MAOB: variants seen among roughly 807,000 people sequenced by gnomAD.
MAOB encodes the protein monoamine oxidase B.
A neutral mutation model predicts 41.9 loss-of-function variants in MAOB; 15 were observed. The ratio of observed to expected loss-of-function variants is 0.36; its 90% CI spans 0.24 to 0.55. The LOEUF is 0.55. Ranked by LOEUF, MAOB falls within the 20% of genes least tolerant of loss-of-function variation. The pLI is 0.86. For synonymous variants in MAOB, 167 were observed against 144.2 expected, an observed-to-expected ratio of 1.16 and a Z score of -1.13; for missense variants, 345 against 398.7, an observed-to-expected ratio of 0.87 and a Z score of 1.15.
intron 5 of MAOB, among the ~76,000 whole-genome samples, chrX:43,797,713 C>A (rs746677095): frequency 2.7e-5 from 3 of 112,087 alleles, no homozygotes; most frequent in Non-Finnish European, 5.6e-5. Flanking sequence ...AATTTAGAAT[C>A]CATCTCTTTC....
intron 3 of MAOB, among the ~76,000 whole-genome samples, chrX:43,830,889 A>G (rs1001877048): frequency 7.4e-4 from 83 of 111,817 alleles, no homozygotes; most frequent in African/African-American, 2.6e-3. Context: ...TTTAAACCTC[A>G]GAATACTAAG....
intron 3 of MAOB, among the ~76,000 whole-genome samples, chrX:43,828,175 C>T (rs886685336): frequency 8.9e-6 from 1 of 112,026 alleles, no homozygotes; most frequent in Non-Finnish European, 1.9e-5. Context: ...CACCCTTAAA[C>T]ATGTAATTTT....
At chrX:43,879,865 C>A (rs941328380) in intron 1 of MAOB, among the ~76,000 whole-genome samples, 3 of 112,283 alleles carry the variant, frequency 2.7e-5, no homozygotes, top group African/African-American at 9.7e-5. Context: ...TACACGTTAG[C>A]ATGTTCTTTC....
intron 3 of MAOB, among the ~76,000 whole-genome samples, chrX:43,818,020 A>G (rs1191950408): frequency 8.9e-6 from 1 of 112,363 alleles, no homozygotes; most frequent in Non-Finnish European, 1.9e-5. Context: ...TCTTTGAAGA[A>G]TAAATAAATA....
intron 3 of MAOB, among the ~76,000 whole-genome samples, chrX:43,823,908 AAAATTCTGTTCAG>A (rs1397983479): frequency 5.3e-5 from 6 of 112,311 alleles, no homozygotes; most frequent in African/African-American, 1.9e-4. Flanking sequence ...CTTCAATTTT[AAAATTCTGTTCAG>A]AGATATTGTC....
At chrX:43,791,712 G>A (rs954651361) in intron 8 of MAOB, among the ~76,000 whole-genome samples, 3 of 109,788 alleles carry the variant, frequency 2.7e-5, no homozygotes, top group Non-Finnish European at 5.7e-5. Flanking sequence ...AGCCAAGATC[G>A]CACCACTGCA....
At chrX:43,805,572 C>T (rs1292734607) in intron 3 of MAOB, among the ~76,000 whole-genome samples, 1 of 111,655 alleles carries the variant, frequency 9.0e-6, no homozygotes, top group Admixed American at 9.6e-5. Flanking sequence ...TTGTATCTGG[C>T]GTCTTTTGCT....
At chrX:43,867,778 C>A (rs1311147796) in intron 1 of MAOB, among the ~76,000 whole-genome samples, 1 of 112,369 alleles carries the variant, frequency 8.9e-6, no homozygotes, top group Non-Finnish European at 1.9e-5. Flanking sequence ...TTGTTCTTCA[C>A]ATACAGCTAT....
intron 1 of MAOB, 176 bp from the exon 2 acceptor site, chrX:43,843,940 A>G (rs2035171250): frequency 1.0e-6 from 1 of 980,902 alleles, no homozygotes; most frequent in Admixed American, 5.0e-5. Context: ...TGTTTCTGGA[A>G]ACGACAAAAG....
intron 1 of MAOB, among the ~76,000 whole-genome samples, chrX:43,858,856 C>T (rs1415774854): frequency 9.0e-6 from 1 of 111,622 alleles, no homozygotes; most frequent in Non-Finnish European, 1.9e-5. Context: ...CATGTCTGGC[C>T]AAAACGCAGC....
At chrX:43,856,971 T>C (rs2035293709) in intron 1 of MAOB, among the ~76,000 whole-genome samples, 1 of 101,403 alleles carries the variant, frequency 9.9e-6, no homozygotes, top group South Asian at 4.7e-4. Flanking sequence ...TTTTTTTTCA[T>C]TTAAGGTAAA....
At chrX:43,857,147 AGAGAGAGAGAGAGAGAG>A (rs2035300996) in intron 1 of MAOB, among the ~76,000 whole-genome samples, 1 of 63,003 alleles carries the variant, frequency 1.6e-5, no homozygotes, top group Non-Finnish European at 2.9e-5. Flanking sequence ...AGAGAGAGAG[AGAGAGAGAGAGAGAGAG>A]AAGAAGAGAG....
intron 9 of MAOB, 124 bp downstream of exon 9, chrX:43,781,324 T>G (rs1355910355): frequency 2.9e-6 from 1 of 340,023 alleles, no homozygotes; most frequent in Admixed American, 5.9e-5. Flanking sequence ...ACCGCTGAAT[T>G]TGAAAAATAA....
At chrX:43,836,172 C>T (rs1302757194) in intron 3 of MAOB, among the ~76,000 whole-genome samples, 1 of 111,984 alleles carries the variant, frequency 8.9e-6, no homozygotes, top group Admixed American at 9.5e-5. Flanking sequence ...TTCCATGACA[C>T]AGGAGGCAAA....
At chrX:43,864,613 C>T (rs955084461) in intron 1 of MAOB, among the ~76,000 whole-genome samples, 1 of 111,463 alleles carries the variant, frequency 9.0e-6, no homozygotes, top group African/African-American at 3.3e-5. Flanking sequence ...GGATTAACTA[C>T]ATAGAGGAGG....
At chrX:43,796,775 A>G (rs943869677) in intron 6 of MAOB, among the ~76,000 whole-genome samples, 4 of 112,291 alleles carry the variant, frequency 3.6e-5, no homozygotes, top group African/African-American at 1.3e-4. Context: ...TGTGTTTTAA[A>G]TTGAAAATGC....
intron 8 of MAOB, among the ~76,000 whole-genome samples, chrX:43,791,331 G>A (rs749819101): frequency 1.7e-4 from 19 of 110,852 alleles, no homozygotes; most frequent in African/African-American, 5.6e-4. Flanking sequence ...AGTACATCCC[G>A]CCCTTCACCC....
intron 2 of MAOB, among the ~76,000 whole-genome samples, chrX:43,839,382 G>A (rs1602017846): frequency 8.9e-6 from 1 of 112,115 alleles, no homozygotes; most frequent in African/African-American, 3.2e-5. Context: ...GAAAGAAAAC[G>A]ATCACTTCTT....
At chrX:43,870,794 C>CAAAAA (rs763016344) in intron 1 of MAOB, among the ~76,000 whole-genome samples, 6 of 21,917 alleles carry the variant, frequency 2.7e-4, no homozygotes, top group African/African-American at 7.6e-4. Context: ...GACTCCACCT[C>CAAAAA]AAAAAAAAAA....
Sources: allele counts gnomAD v4.1 joint callset (sites outside exome capture counted in the v4.1 genomes callset), GRCh38; gene constraint gnomAD v4.1.1; transcripts MANE v1.5; gene names NCBI Gene and HGNC (gene_info 2026-07-23, HGNC 2026-07-21).